PCA3: variants seen among roughly 807,000 people sequenced by gnomAD.
PCA3 encodes the protein prostate cancer associated 3.
intron 2 of PCA3, chr9:76,779,777 C>T (rs2131165743): frequency 6.6e-6 from 1 of 152,340 alleles, no homozygotes; most frequent in East Asian, 1.9e-4. Flanking sequence ...ATTTACATCG[C>T]TAATTGCCAA....
chr9:76,774,450 CTTTTTTTTT>C (rs869289049), intron 2 of PCA3, among the ~76,000 whole-genome samples: 1 of 41,402 alleles, frequency 2.4e-5, no homozygotes. Context: ...CAGTTCAACC[CTTTTTTTTT>C]TTTTTTTTTT....
intron 2 of PCA3, among the ~76,000 whole-genome samples, chr9:76,770,304 G>A (rs1589126795): frequency 6.6e-6 from 1 of 152,018 alleles, no homozygotes; most frequent in Non-Finnish European, 1.5e-5. Flanking sequence ...AAGTTTCTCT[G>A]GACTTTGAAC....
chr9:76,775,498 G>GC (rs2053639610), intron 2 of PCA3, among the ~76,000 whole-genome samples: 1 of 151,766 alleles, frequency 6.6e-6, no homozygotes, highest in Non-Finnish European at 1.5e-5. Flanking sequence ...ATGGGATCTC[G>GC]CTATGCTGCC....
At chr9:76,774,571 GTC>G (rs1270004908) in intron 2 of PCA3, among the ~76,000 whole-genome samples, 1 of 146,988 alleles carries the variant, frequency 6.8e-6, no homozygotes, top group Non-Finnish European at 1.5e-5. Flanking sequence ...CAATTCTCCT[GTC>G]TCAGCCTCCC....
At chr9:76,770,073 C>T (rs1016670601) in intron 2 of PCA3, among the ~76,000 whole-genome samples, 13 of 152,066 alleles carry the variant, frequency 8.5e-5, no homozygotes, top group Admixed American at 5.2e-4. Context: ...CAGGACCTTG[C>T]CAATTTATTA....
chr9:76,772,916 G>C (rs1054226215), intron 2 of PCA3, among the ~76,000 whole-genome samples: 2 of 152,194 alleles, frequency 1.3e-5, no homozygotes, highest in Non-Finnish European at 2.9e-5. Flanking sequence ...AAAAAATTAA[G>C]TGGCTTTAAC....
intron 2 of PCA3, among the ~76,000 whole-genome samples, chr9:76,773,734 G>A (rs1014532452): frequency 2.0e-5 from 3 of 152,100 alleles, no homozygotes; most frequent in South Asian, 4.1e-4. Flanking sequence ...GTGAGCCACC[G>A]CACCCGGCCA....
chr9:76,765,359 G>A (rs189846123), intron 2 of PCA3, among the ~76,000 whole-genome samples: 52 of 152,318 alleles, frequency 3.4e-4, no homozygotes, highest in Non-Finnish European at 1.0e-4. Flanking sequence ...TATGAAGAAA[G>A]ATAAGAATAG....
intron 2 of PCA3, among the ~76,000 whole-genome samples, chr9:76,773,605 G>A (rs1049573547): frequency 2.0e-5 from 3 of 152,062 alleles, no homozygotes; most frequent in Non-Finnish European, 4.4e-5. Flanking sequence ...CAGCAAGCCA[G>A]GCTAATTTTT....
At chr9:76,771,506 G>A (rs2053099208) in intron 2 of PCA3, among the ~76,000 whole-genome samples, 1 of 152,172 alleles carries the variant, frequency 6.6e-6, no homozygotes, top group Admixed American at 6.5e-5. Context: ...ATGAAGGCAG[G>A]TACAATGAGG....
intron 2 of PCA3, chr9:76,784,547 G>A (rs1050296825): frequency 3.9e-5 from 6 of 152,116 alleles, no homozygotes; most frequent in African/African-American, 1.4e-4. Flanking sequence ...TTCCTTCTGG[G>A]CCCAACATTC....
At chr9:76,769,152 T>C (rs1487369580) in intron 2 of PCA3, among the ~76,000 whole-genome samples, 3 of 152,234 alleles carry the variant, frequency 2.0e-5, no homozygotes, top group African/African-American at 7.2e-5. Flanking sequence ...ATCTTATTGC[T>C]TTGCTTTTAA....
intron 2 of PCA3, among the ~76,000 whole-genome samples, chr9:76,768,281 C>T (rs2052653597): frequency 6.6e-6 from 1 of 152,152 alleles, no homozygotes. Context: ...CAACCTCCGC[C>T]TCCTGGGTTC....
At chr9:76,771,400 A>G (rs1306367059) in intron 2 of PCA3, among the ~76,000 whole-genome samples, 1 of 152,206 alleles carries the variant, frequency 6.6e-6, no homozygotes, top group Non-Finnish European at 1.5e-5. Context: ...CATGCACTTA[A>G]TAAGTCCTAC....
At chr9:76,765,747 G>C (rs1172149798) in intron 2 of PCA3, among the ~76,000 whole-genome samples, 2 of 152,188 alleles carry the variant, frequency 1.3e-5, no homozygotes, top group Non-Finnish European at 2.9e-5. Flanking sequence ...TACATCCACA[G>C]TCACTGTTTA....
intron 2 of PCA3, among the ~76,000 whole-genome samples, chr9:76,770,454 T>C (rs2052969574): frequency 6.6e-6 from 1 of 152,192 alleles, no homozygotes; most frequent in Non-Finnish European, 1.5e-5. Flanking sequence ...CTTTTTCAAA[T>C]GAATATATGA....
rs536651647 is a variant in PCA3 at position 76,779,556 on chromosome 9, T to G, written n.853-29027T>G. The G allele has an allele frequency of 1.7e-4, 26 of 152,354 alleles. No homozygotes were observed. The South Asian group carries it at 5.4e-3, about 32-fold the overall frequency. The allele number at this position is 152,354 out of a possible 1,614,324, so 9.4% of individuals were successfully genotyped here. A position where few individuals can be genotyped will look rare whatever the true frequency, so the allele number is the denominator to read the frequency against. On this transcript the variant is annotated intron_variant and non_coding_transcript_variant, in intron 2 of 5. Coordinates refer to ENST00000644657, the Ensembl canonical transcript of PCA3. ...TTTTAGAATCTCATATTTATTCCTGTGGAAGGACAGCATTGTGGCTTGGAC... is the reference window on the plus strand; with the variant it reads ...TTTTAGAATCTCATATTTATTCCTGGGGAAGGACAGCATTGTGGCTTGGAC...
At chr9:76,773,531 C>A (rs1450903628) in intron 2 of PCA3, among the ~76,000 whole-genome samples, 1 of 151,510 alleles carries the variant, frequency 6.6e-6, no homozygotes, top group Non-Finnish European at 1.5e-5. Context: ...GTAACCTCCA[C>A]CTCCCGGGTT....
chr9:76,769,184 G>T (rs910571722), intron 2 of PCA3, among the ~76,000 whole-genome samples: 5 of 152,088 alleles, frequency 3.3e-5, no homozygotes, highest in Admixed American at 1.3e-4. Context: ...ATTATACTCT[G>T]GTTTCTCTTC....
Sources: gnomAD v4.1 joint callset for allele counts (sites outside exome capture counted in the v4.1 genomes callset) on GRCh38, gnomAD v4.1.1 for gene constraint, MANE v1.5 for transcripts, NCBI Gene and HGNC (gene_info 2026-07-23, HGNC 2026-07-21) for gene names.